The following SSC5D variants were observed in gnomAD, a reference collection of about 807,000 sequenced individuals.
SSC5D encodes the protein scavenger receptor cysteine rich family member with 5 domains.
SSC5D carries 106 observed loss-of-function variants against 104.6 expected under a neutral mutation model. That is an observed-to-expected ratio of 1.01 (90% CI 0.87 to 1.19). SSC5D has a LOEUF of 1.19. SSC5D is among the 50% of genes most tolerant of loss of function. SSC5D has a pLI of 0.00. For missense variants in SSC5D, 1,993 were observed against 2,153.8 expected, an observed-to-expected ratio of 0.93 and a Z score of 1.48; for synonymous variants, 860 against 883.5, an observed-to-expected ratio of 0.97 and a Z score of 0.47.
In SSC5D at chr19:55,501,165, A is replaced by C; in HGVS notation, c.2749A>C (p.Ser917Arg). ...CTGGAGGACCACCCGGCGCCCGGGT[A>C]GCTCCTCCCCAGCAATAAGGCGCCT... ...LPWRTTRRPGSSSPAIRRLPD... is the reference protein window; with the variant it reads ...LPWRTTRRPGRSSPAIRRLPD... The change falls in exon 12 of 14, where the codon AGC becomes CGC. Residue 917 changes from serine to arginine, a missense_variant. Transcript: ENST00000389623. 6.5e-7 allele frequency: 1 copy of C among 1,545,830 alleles called. No homozygotes were observed. Among genetic ancestry groups the C allele is most frequent in the Admixed American group, 2.0e-5 (1 of 49,734 alleles).
chr19:55,495,216 C>CATATATATATGTATAT lies in SSC5D; in HGVS notation c.1387+443_1387+444insGTATATATATATATAT, dbSNP rs1555765015. 1.5e-3 allele frequency among the ~76,000 whole-genome samples: 13 copies of CATATATATATGTATAT among 8,426 alleles called. 2 individuals are homozygous for CATATATATATGTATAT. Among genetic ancestry groups the CATATATATATGTATAT allele is most frequent in the African/African-American group, 4.2e-3 (13 of 3,078 alleles). The allele number at this position is 8,426 out of a possible 152,430, so 5.5% of individuals were successfully genotyped here. On this transcript the variant is annotated intron_variant, in intron 8 of 13. Coordinates refer to ENST00000389623, the MANE Select transcript of SSC5D (RefSeq NM_001144950.2). ...ATCAATGGTTCTGCCTGCCTCCTTTCATATATATATATATATATTTTTTTT... is the reference window on the plus strand; with the variant it reads ...ATCAATGGTTCTGCCTGCCTCCTTTCATATATATATGTATATATATATATATATATATATTTTTTTT...
At chr19:55,513,892 GA>G (rs1239384623) in intron 13 of SSC5D, among the ~76,000 whole-genome samples, 1 of 152,148 alleles carries the variant, frequency 6.6e-6, no homozygotes, top group East Asian at 1.9e-4. Flanking sequence ...TGAGAAAGAG[GA>G]AAACAGGTGA....
In SSC5D at chr19:55,495,866, C is replaced by A. The variant is rs574621203; in HGVS notation, c.1387+1083C>A. Among the ~76,000 whole-genome samples the A allele has an allele frequency of 2.6e-5, 4 of 150,950 alleles. No homozygotes were observed. The East Asian group carries it at 7.8e-4, about 29-fold the overall frequency. ...CAAGTGATCCTCCCACCTCCGCCTC[C>A]TGGGTAACACAGCTGCATGCCACCG... On this transcript the variant is annotated intron_variant, in intron 8 of 13. Coordinates refer to ENST00000389623, the MANE Select transcript of SSC5D (RefSeq NM_001144950.2).
At position 55,517,712 on chromosome 19, in the gene SSC5D, T is replaced by G. The variant is rs746520281; in HGVS notation, c.3436T>G (p.Ser1146Ala). The G allele has an allele frequency of 6.5e-7, 1 of 1,539,314 alleles. No individual in the cohort carries two copies. The highest frequency in any genetic ancestry group is 2.0e-5 in the Admixed American group (1 of 49,612). Residue 1146 changes from serine (S) to alanine (A), a missense_variant, in exon 14 of 14, where the codon TCC becomes GCC. Ser to Ala is a moderately conservative substitution (Grantham distance 99). Around this residue, in one of 6 missense-constraint regions of SSC5D, gnomAD observed 423 missense variants for 409.2 expected, o/e 1.03. Coordinates refer to ENST00000389623, the MANE Select transcript of SSC5D (RefSeq NM_001144950.2). ...VSEYSRSPDPSPSPHPTTTPD... is the reference protein window; with the variant it reads ...VSEYSRSPDPAPSPHPTTTPD... ...AGAATATTCTAGATCCCCAGACCCCTCCCCAAGCCCTCACCCCACTACTAC... is the reference window on the plus strand; with the variant it reads ...AGAATATTCTAGATCCCCAGACCCCGCCCCAAGCCCTCACCCCACTACTAC...
intron 12 of SSC5D, among the ~76,000 whole-genome samples, chr19:55,505,231 G>A (rs1852312562): frequency 6.6e-6 from 1 of 151,684 alleles, no homozygotes; most frequent in African/African-American, 2.4e-5. Context: ...AGGATTTCAG[G>A]GAACGAGCGA....
intron 12 of SSC5D, among the ~76,000 whole-genome samples, chr19:55,506,482 C>A (rs568525669): frequency 3.6e-5 from 5 of 137,256 alleles, no homozygotes; most frequent in African/African-American, 1.3e-4. Context: ...GCCAGCTCTG[C>A]CTCCCGGGTT....
chr19:55,514,598 T>TAA (rs34453728), intron 13 of SSC5D, among the ~76,000 whole-genome samples: 1 of 124,010 alleles, frequency 8.1e-6, no homozygotes, highest in African/African-American at 3.0e-5. Context: ...AAGACTCTGT[T>TAA]AAAAAAAAAA....
intron 12 of SSC5D, chr19:55,504,234 G>C (rs1229662617): frequency 6.5e-7 from 1 of 1,527,604 alleles, no homozygotes; most frequent in Non-Finnish European, 8.8e-7. Context: ...CGGGCACAGC[G>C]GCTGCGGAGA....
intron 12 of SSC5D, among the ~76,000 whole-genome samples, chr19:55,509,565 CT>C (rs34687130): frequency 0.31 from 45,788 of 146,846 alleles, 7,545 homozygotes; most frequent in African/African-American, 0.42. Context: ...TCTTTTTATT[CT>C]TTTTTTTTTT....
intron 8 of SSC5D, among the ~76,000 whole-genome samples, chr19:55,496,667 A>AG (rs1318426205): frequency 9.8e-5 from 15 of 152,322 alleles, no homozygotes; most frequent in African/African-American, 3.1e-4. Context: ...ATTCAAGCAA[A>AG]AACACTTGTT....
At chr19:55,497,243 C>A (rs1348782775) in intron 8 of SSC5D, among the ~76,000 whole-genome samples, 1 of 152,158 alleles carries the variant, frequency 6.6e-6, no homozygotes, top group Non-Finnish European at 1.5e-5. Context: ...AGACCGAGAG[C>A]TTTTCAAAGC....
chr19:55,489,068 C>G (rs763708602), intron 2 of SSC5D, 36 bp downstream of exon 2: 7 of 1,068,244 alleles, frequency 6.6e-6, no homozygotes, highest in Admixed American at 3.6e-5. Context: ...GCCCGCCCCC[C>G]CCCCCAGGCC....
Position 55,518,152 on chromosome 19 carries a change from C to G in SSC5D, c.3876C>G (p.Thr1292=). The change falls in exon 14 of 14, where the codon ACC becomes ACG. Residue 1292 remains threonine, a synonymous_variant. Transcript: ENST00000389623. ...CCACGACTCCTCACCCCACCACAACCCCTCACCCCACCACAACCCCTCACC... is the reference window on the plus strand; with the variant it reads ...CCACGACTCCTCACCCCACCACAACGCCTCACCCCACCACAACCCCTCACC... ...HPTTTPHPTT[T]PHPTTTPHPT... is the part of the protein sequence containing the mutation. 6.9e-7 allele frequency: 1 copy of G among 1,442,066 alleles called. No individual in the cohort carries two copies. Among genetic ancestry groups the G allele is most frequent in the Non-Finnish European group, 9.2e-7 (1 of 1,084,060 alleles). The allele number at this position is 1,442,066 out of a possible 1,614,324, so 89.3% of individuals were successfully genotyped here.
rs1421227582 is a variant in SSC5D, at chr19:55,490,105, CA to C, written c.475+111del. 80 of 435,196 alleles carry C rather than the reference CA, an allele frequency of 1.8e-4. 6 individuals carry two copies. Among genetic ancestry groups the C allele is most frequent in the Middle Eastern group, 6.5e-4 (1 of 1,536 alleles). 27.0% of individuals were successfully genotyped at this position (435,196 alleles called of 1,614,324 possible). A position where few individuals can be genotyped will look rare whatever the true frequency, so the allele number is the denominator to read the frequency against. ...CCCACCCAGCGTGCCCTCCTGCCCC[CA>C]CCGAGGGGAGAGGGACCTCTGCAGT... On this transcript the variant is annotated intron_variant, in intron 4 of 13. Coordinates refer to ENST00000389623, the MANE Select transcript of SSC5D (RefSeq NM_001144950.2).
chr19:55,497,838 C>T lies in SSC5D; in HGVS notation c.1388-42C>T, dbSNP rs192910000. 1.8e-3 allele frequency: 2,687 copies of T among 1,474,006 alleles called. 5 individuals are homozygous for T. The highest frequency in any genetic ancestry group is 2.3e-3 in the Non-Finnish European group (2,538 of 1,103,590). 91.3% of individuals were successfully genotyped at this position (1,474,006 alleles called of 1,614,324 possible). A position where few individuals can be genotyped will look rare whatever the true frequency, so the allele number is the denominator to read the frequency against. Reference sequence around the variant, plus strand: ...GTGGATGAAGAGTCAGGAGGCTGGGCGGCTTCCCCGACTCTAATTCTTTGG... The same window carrying T: ...GTGGATGAAGAGTCAGGAGGCTGGGTGGCTTCCCCGACTCTAATTCTTTGG... On this transcript the variant is annotated intron_variant, in intron 8 of 13. Transcript: ENST00000389623.
intron 8 of SSC5D, among the ~76,000 whole-genome samples, chr19:55,496,542 T>G (rs1987330257): frequency 6.6e-6 from 1 of 152,138 alleles, no homozygotes; most frequent in African/African-American, 2.4e-5. Context: ...CTGATGCTGT[T>G]CCCAGTTCTC....
Position 55,500,498 on chromosome 19 carries a change from C to T in SSC5D, c.2311C>T (p.Arg771Trp), listed in dbSNP as rs967073411. The T allele has an allele frequency of 2.1e-5, 33 of 1,551,320 alleles. No homozygotes were observed. The highest frequency in any genetic ancestry group is 5.5e-5 in the African/African-American group (4 of 73,028). Residue 771 changes from arginine to tryptophan, a missense_variant, in exon 11 of 14, where the codon CGG (arginine) becomes TGG (tryptophan). This residue lies in a region of SSC5D where 70 missense variants were observed against 107.1 expected (regional missense o/e 0.65). Coordinates refer to ENST00000389623, the MANE Select transcript of SSC5D (RefSeq NM_001144950.2). The surrounding 1 kb of genome is among the most constrained non-coding windows in gnomAD (Gnocchi z 4.6). ...AAGGGCCTTCCACGCAGGCCTGTTC[C>T]GGGTTCGTCTGGCCGATGGGCCCAA... ...VSTTGESGLF[R>W]VRLADGPNRC...
At chr19:55,510,274 C>T (rs1370888097) in intron 12 of SSC5D, among the ~76,000 whole-genome samples, 2 of 152,238 alleles carry the variant, frequency 1.3e-5, no homozygotes, top group Non-Finnish European at 2.9e-5. Flanking sequence ...GCTGGGATTA[C>T]AGGCGTGAGC....
At position 55,518,392 on chromosome 19, in the gene SSC5D, C is replaced by T. The variant is rs1254478242; in HGVS notation, c.4116C>T (p.Ala1372=). Residue 1372 remains alanine, a synonymous_variant, in exon 14 of 14, where the codon GCC becomes GCT. Transcript: ENST00000389623. ...LHPQLTFTAP[A]PHTSTSQIPT... Reference sequence around the variant, plus strand: ...CCCAGTTGACCTTCACAGCACCTGCCCCTCACACCTCCACATCCCAGATAC... The same window carrying T: ...CCCAGTTGACCTTCACAGCACCTGCTCCTCACACCTCCACATCCCAGATAC... The T allele has an allele frequency of 4.5e-6, 7 of 1,551,204 alleles. No homozygotes were observed. The Admixed American group carries it at 1.2e-4, about 26-fold the overall frequency.
Sources: gnomAD v4.1 joint callset for allele counts (sites outside exome capture counted in the v4.1 genomes callset) on GRCh38, gnomAD v4.1.1 for gene constraint, gnomAD v4.1.1 regional missense constraint, Gnocchi (gnomAD v3.1) non-coding constraint, MANE v1.5 for transcripts, NCBI Gene and HGNC (gene_info 2026-07-23, HGNC 2026-07-21) for gene names.